KDM4C: variants seen among roughly 807,000 people sequenced by gnomAD.
The protein encoded by KDM4C is lysine-specific demethylase 4C.
In KDM4C, 81 loss-of-function variants were observed where a neutral mutation model predicts 129.3. The observed-to-expected ratio is 0.63, with a 90% CI of 0.52 to 0.75. The LOEUF is 0.75. KDM4C is among the 30% of genes least tolerant of loss of function. The pLI is 0.00. For synonymous variants in KDM4C, 573 were observed against 456.1 expected, an observed-to-expected ratio of 1.26 and a Z score of -3.26; for missense variants, 1,457 against 1,304.0, an observed-to-expected ratio of 1.12 and a Z score of -1.81.
At chr9:6,928,838 C>T (rs746073154) in intron 8 of KDM4C, among the ~76,000 whole-genome samples, 4 of 152,176 alleles carry the variant, frequency 2.6e-5, no homozygotes, top group Non-Finnish European at 5.9e-5. Context: ...ATGCAGAACT[C>T]TGAGGTTTCC....
At chr9:7,103,580 GT>G (rs376435173) in intron 17 of KDM4C, 104 bp from the exon 18 acceptor site, 40,450 of 609,544 alleles carry the variant, frequency 0.066, 6 homozygotes, top group East Asian at 0.093. Context: ...GTAATCAGTT[GT>G]TTTTTTTTTT....
At chr9:6,946,324 C>T (rs1323333363) in intron 8 of KDM4C, among the ~76,000 whole-genome samples, 1 of 152,076 alleles carries the variant, frequency 6.6e-6, no homozygotes, top group Non-Finnish European at 1.5e-5. Flanking sequence ...ATGTACCTGA[C>T]ACACCTCCGT....
intron 1 of KDM4C, among the ~76,000 whole-genome samples, chr9:6,728,388 G>A (rs532098330): frequency 6.6e-6 from 1 of 151,462 alleles, no homozygotes; most frequent in Admixed American, 6.6e-5. Flanking sequence ...ACAAAAATTA[G>A]CTGGGCACAG....
At chr9:6,762,020 G>C (rs569089837) in intron 1 of KDM4C, among the ~76,000 whole-genome samples, 2 of 151,702 alleles carry the variant, frequency 1.3e-5, no homozygotes, top group South Asian at 4.2e-4. Context: ...GGATGGTCTC[G>C]ATCTCCTGAC....
intron 15 of KDM4C, among the ~76,000 whole-genome samples, chr9:7,019,396 A>C (rs946476964): frequency 1.3e-5 from 2 of 152,046 alleles, no homozygotes; most frequent in East Asian, 3.9e-4. Context: ...AAGTCAGATG[A>C]TATTTCATTG....
intron 4 of KDM4C, among the ~76,000 whole-genome samples, chr9:6,819,254 G>A (rs1832627786): frequency 6.6e-6 from 1 of 152,208 alleles, no homozygotes; most frequent in African/African-American, 2.4e-5. Flanking sequence ...TAAAGATGAG[G>A]TTGATGGACT....
intron 21 of KDM4C, among the ~76,000 whole-genome samples, chr9:7,172,701 C>T (rs973534161): frequency 6.6e-6 from 1 of 152,216 alleles, no homozygotes; most frequent in Non-Finnish European, 1.5e-5. Flanking sequence ...ACATGAACAG[C>T]TTTACGCTTC....
chr9:6,831,808 G>A (rs1834881824), intron 4 of KDM4C, among the ~76,000 whole-genome samples: 1 of 152,156 alleles, frequency 6.6e-6, no homozygotes. Context: ...ACTCAGTGAT[G>A]ACCGCTGACC....
intron 8 of KDM4C, among the ~76,000 whole-genome samples, chr9:6,935,510 C>T (rs114656041): frequency 6.6e-6 from 1 of 151,642 alleles, no homozygotes. Flanking sequence ...TCCCATCTCC[C>T]AAGTTCAAGA....
chr9:6,958,748 G>A (rs1429722264), intron 8 of KDM4C, among the ~76,000 whole-genome samples: 1 of 145,158 alleles, frequency 6.9e-6, no homozygotes, highest in Non-Finnish European at 1.5e-5. Context: ...GCAGTGGCAT[G>A]TTCATGGCTC....
chr9:6,987,438 C>G (rs1817927358), intron 11 of KDM4C, among the ~76,000 whole-genome samples: 1 of 152,148 alleles, frequency 6.6e-6, no homozygotes, highest in Non-Finnish European at 1.5e-5. Flanking sequence ...ATCAGGGGAG[C>G]TAGGACTGTC....
At chr9:6,870,526 T>C (rs921399596) in intron 5 of KDM4C, among the ~76,000 whole-genome samples, 1 of 152,068 alleles carries the variant, frequency 6.6e-6, no homozygotes, top group Non-Finnish European at 1.5e-5. Flanking sequence ...CATCTTAGCA[T>C]AAGCTCTGGT....
chr9:6,742,441 A>C (rs1296705491), intron 1 of KDM4C, among the ~76,000 whole-genome samples: 1 of 152,080 alleles, frequency 6.6e-6, no homozygotes, highest in African/African-American at 2.4e-5. Context: ...CCCCTGAAAC[A>C]GAGTTAGTTC....
chr9:7,135,614 A>C (rs1841119935), intron 19 of KDM4C, among the ~76,000 whole-genome samples: 1 of 151,292 alleles, frequency 6.6e-6, no homozygotes, highest in South Asian at 2.1e-4. Context: ...TATGTGTTGA[A>C]CACTGTGTTA....
chr9:7,129,838 C>G (rs1389146443), intron 19 of KDM4C, among the ~76,000 whole-genome samples: 5 of 152,210 alleles, frequency 3.3e-5, no homozygotes, highest in Non-Finnish European at 5.9e-5. Context: ...CCTCATAACC[C>G]TACACACTAG....
intron 19 of KDM4C, among the ~76,000 whole-genome samples, chr9:7,140,918 G>A (rs1023156500): frequency 5.9e-5 from 9 of 152,190 alleles, no homozygotes; most frequent in Admixed American, 3.3e-4. Context: ...TGATCAGTGC[G>A]ACCTGAATGA....
intron 11 of KDM4C, among the ~76,000 whole-genome samples, chr9:6,987,411 T>C (rs1817921406): frequency 6.6e-6 from 1 of 152,234 alleles, no homozygotes; most frequent in African/African-American, 2.4e-5. Flanking sequence ...AAACTGTCCA[T>C]GTAGCCATAA....
chr9:7,122,487 T>G (rs1247750168), intron 18 of KDM4C, among the ~76,000 whole-genome samples: 1 of 152,186 alleles, frequency 6.6e-6, no homozygotes, highest in Non-Finnish European at 1.5e-5. Flanking sequence ...TGCTCTAGAC[T>G]ACTTCTAAAC....
At chr9:6,770,458 G>A (rs1465522921) in intron 1 of KDM4C, among the ~76,000 whole-genome samples, 1 of 152,052 alleles carries the variant, frequency 6.6e-6, no homozygotes. Context: ...TCATGTCAAG[G>A]AAGCTGTGTA....
Sources: gnomAD v4.1 joint callset for allele counts (sites outside exome capture counted in the v4.1 genomes callset) on GRCh38, gnomAD v4.1.1 for gene constraint, MANE v1.5 for transcripts, NCBI Gene and HGNC (gene_info 2026-07-23, HGNC 2026-07-21) for gene names.